The following UBTD2 variants were observed in gnomAD, a reference collection of about 807,000 sequenced individuals.
UBTD2 encodes ubiquitin domain-containing protein 2.
UBTD2 carries 9 observed loss-of-function variants against 19.8 expected under a neutral mutation model. That is an observed-to-expected ratio of 0.46 (90% CI 0.27 to 0.79). The LOEUF (loss-of-function observed/expected upper bound fraction) is 0.79, where lower values mean the gene tolerates loss of function less well. Among genes scored for constraint, UBTD2 ranks in the 30% least tolerant of loss-of-function variants. The pLI, the probability that UBTD2 is intolerant of heterozygous loss-of-function variation, is 0.14. For missense variants in UBTD2, 250 were observed against 300.4 expected (o/e 0.83, Z 1.24); for synonymous variants, 98 against 103.9 (o/e 0.94, Z 0.35).
chr5:172,221,993 T>C lies in UBTD2; in HGVS notation c.308-9766A>G, dbSNP rs574856381. The stretch of plus-strand genomic sequence containing the variant: ...AATCCCTGTTTCCTCCACTTAATTT[T>C]GCTGTGAACTTAAAACCACTCTAAA... On this transcript the variant is annotated intron_variant, in intron 2 of 2. Coordinates refer to ENST00000393792, the MANE Select transcript of UBTD2 (RefSeq NM_152277.3). Among the ~76,000 whole-genome samples, 18 of 152,310 alleles carry C rather than the reference T, an allele frequency of 1.2e-4. No homozygotes were observed. The East Asian group carries it at 1.9e-3, about 16-fold the overall frequency.
chr5:172,211,999 C>T lies in UBTD2; in HGVS notation c.536G>A (p.Arg179Lys), dbSNP rs762166022. 1.2e-6 allele frequency: 2 copies of T among 1,614,140 alleles called. No individual in the cohort carries two copies. The highest frequency in any genetic ancestry group is 1.3e-5 in the African/African-American group (1 of 74,940). ...RSTDTVFHMK[R>K]RLHAAEGVEP... ...CACTCCCTCTGCTGCATGCAACCGT[C>T]TCTTCATGTGGAATACTGTGTCTGT... is the stretch of plus-strand genomic sequence containing the variant. The change falls in exon 3 of 3, where the codon AGA becomes AAA. Residue 179 changes from arginine (R) to lysine (K), a missense_variant. Physicochemically the swap from Arg to Lys is conservative, Grantham distance 26 (BLOSUM62 2). Coordinates refer to ENST00000393792, the MANE Select transcript of UBTD2 (RefSeq NM_152277.3).
rs1457499437 is a variant in UBTD2, at chr5:172,283,561, T to TG, written c.70+34dup. ...GGTGGCCGGGCCTGGCCGGGAACAA[T>TG]GGGGGGCCGAGGCTGCCCCCTGGCG... On this transcript the variant is annotated intron_variant, in intron 1 of 2. Coordinates refer to ENST00000393792, the MANE Select transcript of UBTD2 (RefSeq NM_152277.3). The surrounding 1 kb of genome is among the most constrained non-coding windows in gnomAD (Gnocchi z 4.3). 2 of 1,280,038 alleles carry TG rather than the reference T, an allele frequency of 1.6e-6. No individual in the cohort carries two copies. Among genetic ancestry groups the TG allele is most frequent in the Admixed American group, 3.9e-5 (1 of 25,334 alleles). 79.3% of individuals were successfully genotyped at this position (1,280,038 alleles called of 1,614,324 possible).
chr5:172,267,432 C>T (rs1170274724), intron 1 of UBTD2, among the ~76,000 whole-genome samples: 2 of 152,142 alleles, frequency 1.3e-5, no homozygotes, highest in African/African-American at 2.4e-5. Context: ...CATCCAGTCC[C>T]GTAAAACTGT....
At chr5:172,249,893 C>G (rs1754958327) in intron 1 of UBTD2, among the ~76,000 whole-genome samples, 1 of 152,142 alleles carries the variant, frequency 6.6e-6, no homozygotes, top group Non-Finnish European at 1.5e-5. Flanking sequence ...AAGAAAACTT[C>G]CTCAACATAA....
At chr5:172,280,214 T>TA (rs896521556) in intron 1 of UBTD2, among the ~76,000 whole-genome samples, 24 of 128,284 alleles carry the variant, frequency 1.9e-4, no homozygotes, top group African/African-American at 2.7e-4. Context: ...AAGTAGGCAT[T>TA]AAAAAAAAAA....
At chr5:172,239,544 C>T (rs1772080979) in intron 1 of UBTD2, among the ~76,000 whole-genome samples, 1 of 151,972 alleles carries the variant, frequency 6.6e-6, no homozygotes, top group African/African-American at 2.4e-5. Flanking sequence ...CCTCAGCCTC[C>T]CGAGTAGCCG....
intron 1 of UBTD2, among the ~76,000 whole-genome samples, chr5:172,277,886 G>C (rs1262183250): frequency 6.9e-6 from 1 of 145,910 alleles, no homozygotes; most frequent in East Asian, 2.0e-4. Flanking sequence ...CTCAAAAAAT[G>C]AGCAAAGGGC....
chr5:172,210,245 T>A lies in UBTD2; in HGVS notation c.*1585A>T, dbSNP rs538827846. The A allele has an allele frequency of 1.3e-5, 2 of 152,216 alleles. No homozygotes were observed. Among genetic ancestry groups the A allele is most frequent in the African/African-American group, 2.4e-5 (1 of 41,456 alleles). The allele number at this position is 152,216 out of a possible 1,614,324, so 9.4% of individuals were successfully genotyped here. Reference sequence around the variant, plus strand: ...ATTACAGATATATTTAATCAGGCAATAGGAAATTCAATACCATTTAAACAT... The same window carrying A: ...ATTACAGATATATTTAATCAGGCAAAAGGAAATTCAATACCATTTAAACAT... On this transcript the variant is annotated 3_prime_UTR_variant, in exon 3 of 3. Coordinates refer to ENST00000393792, the MANE Select transcript of UBTD2 (RefSeq NM_152277.3).
At chr5:172,215,758 A>T (rs1257111226) in intron 2 of UBTD2, among the ~76,000 whole-genome samples, 1 of 152,210 alleles carries the variant, frequency 6.6e-6, no homozygotes, top group Non-Finnish European at 1.5e-5. Context: ...AAAGAACCAA[A>T]AAGAAATGCT....
At chr5:172,277,254 ACTT>A (rs1449609781) in intron 1 of UBTD2, among the ~76,000 whole-genome samples, 2 of 152,146 alleles carry the variant, frequency 1.3e-5, no homozygotes, top group Admixed American at 1.3e-4. Flanking sequence ...AAAGTTTTCC[ACTT>A]CTTGTTGAGA....
At chr5:172,215,768 T>C (rs1771528297) in intron 2 of UBTD2, among the ~76,000 whole-genome samples, 1 of 152,100 alleles carries the variant, frequency 6.6e-6, no homozygotes, top group Admixed American at 6.6e-5. Flanking sequence ...AAAGAAATGC[T>C]AGAGAACAAA....
chr5:172,250,081 G>A (rs921567003), intron 1 of UBTD2, among the ~76,000 whole-genome samples: 4 of 151,902 alleles, frequency 2.6e-5, no homozygotes, highest in African/African-American at 7.3e-5. Context: ...ACATTAGCTG[G>A]GCGTGGTGGT....
intron 1 of UBTD2, among the ~76,000 whole-genome samples, chr5:172,265,677 G>A (rs1021838174): frequency 6.6e-6 from 1 of 152,090 alleles, no homozygotes; most frequent in Non-Finnish European, 1.5e-5. Context: ...AGCCACAACT[G>A]TCTATTCATT....
At chr5:172,255,587 C>T (rs1410266881) in intron 1 of UBTD2, 2 of 254,168 alleles carry the variant, frequency 7.9e-6, no homozygotes, top group Non-Finnish European at 1.6e-5. Flanking sequence ...CGGCAGGGGA[C>T]AAGGACGGGA....
chr5:172,224,087 TGA>T (rs560282757), intron 2 of UBTD2, among the ~76,000 whole-genome samples: 27 of 152,036 alleles, frequency 1.8e-4, no homozygotes, highest in African/African-American at 6.3e-4. Flanking sequence ...CTACAGTATT[TGA>T]GAGGAGTGTG....
chr5:172,265,693 A>T (rs1295064882), intron 1 of UBTD2, among the ~76,000 whole-genome samples: 30 of 152,076 alleles, frequency 2.0e-4, no homozygotes, highest in Admixed American at 2.0e-3. Context: ...TCATTATTTC[A>T]CTTATTTACT....
intron 2 of UBTD2, among the ~76,000 whole-genome samples, chr5:172,221,271 T>A (rs1049671993): frequency 8.5e-5 from 13 of 152,134 alleles, no homozygotes; most frequent in Non-Finnish European, 1.6e-4. Flanking sequence ...GGGGAGGCTA[T>A]GGTGGGAGGA....
At chr5:172,223,555 C>T (rs180710285) in intron 2 of UBTD2, among the ~76,000 whole-genome samples, 49 of 129,876 alleles carry the variant, frequency 3.8e-4, no homozygotes, top group Non-Finnish European at 3.9e-4. Context: ...GCCAAGATCA[C>T]GCCACTGCAC....
intron 2 of UBTD2, among the ~76,000 whole-genome samples, chr5:172,220,816 G>T (rs192728468): frequency 6.6e-6 from 1 of 152,242 alleles, no homozygotes; most frequent in African/African-American, 2.4e-5. Context: ...AGATTGGAAA[G>T]GAGAAAATAA....
Sources: allele counts gnomAD v4.1 joint callset (sites outside exome capture counted in the v4.1 genomes callset), GRCh38; gene constraint gnomAD v4.1.1; non-coding constraint Gnocchi (gnomAD v3.1); transcripts MANE v1.5; gene names NCBI Gene and HGNC (gene_info 2026-07-23, HGNC 2026-07-21).